The following SOBP variants were observed in gnomAD, a reference collection of about 807,000 sequenced individuals.
SOBP encodes the protein sine oculis-binding protein homolog.
SOBP carries 4 observed loss-of-function variants against 53.6 expected under a neutral mutation model. The observed-to-expected ratio is 0.07, with a 90% CI of 0.04 to 0.17. The LOEUF (loss-of-function observed/expected upper bound fraction) is 0.17. Ranked by LOEUF, SOBP falls within the 10% of genes least tolerant of loss-of-function variation. The pLI is 1.00. For synonymous variants in SOBP, 584 were observed against 522.6 expected (o/e 1.12, Z -1.60); for missense variants, 1,088 against 1,204.7 (o/e 0.90, Z 1.43).
At chr6:107,536,407 G>A (rs963782396) in intron 4 of SOBP, among the ~76,000 whole-genome samples, 2 of 152,164 alleles carry the variant, frequency 1.3e-5, no homozygotes, top group Non-Finnish European at 2.9e-5. Flanking sequence ...CTTCACACAC[G>A]CTTGGGTGTA....
At chr6:107,592,557 T>C (rs1785793136) in intron 5 of SOBP, among the ~76,000 whole-genome samples, 1 of 152,214 alleles carries the variant, frequency 6.6e-6, no homozygotes, top group South Asian at 2.1e-4. Context: ...ATTTACATAC[T>C]ATTGCTTTGA....
chr6:107,619,258 C>G (rs1233164751), intron 5 of SOBP, among the ~76,000 whole-genome samples: 1 of 152,100 alleles, frequency 6.6e-6, no homozygotes, highest in Non-Finnish European at 1.5e-5. Context: ...GTTTCCTGGC[C>G]CCATCTTATG....
chr6:107,626,366 G>C (rs966882638), intron 5 of SOBP, among the ~76,000 whole-genome samples: 1 of 152,204 alleles, frequency 6.6e-6, no homozygotes, highest in Non-Finnish European at 1.5e-5. Context: ...CTCCTGCCCT[G>C]TTCCACAGCC....
intron 5 of SOBP, among the ~76,000 whole-genome samples, chr6:107,630,750 GTCTC>G (rs60388300): frequency 0.16 from 23,341 of 148,468 alleles, 2,003 homozygotes; most frequent in East Asian, 0.29. Context: ...CACACACTCT[GTCTC>G]TCTCTCTCTC....
intron 3 of SOBP, among the ~76,000 whole-genome samples, chr6:107,509,413 A>C (rs1783098199): frequency 6.6e-6 from 1 of 151,620 alleles, no homozygotes; most frequent in South Asian, 2.1e-4. Context: ...AAAAAAAACA[A>C]AACAAAAAAG....
intron 4 of SOBP, among the ~76,000 whole-genome samples, chr6:107,553,443 C>T (rs570150366): frequency 6.6e-6 from 1 of 151,800 alleles, no homozygotes; most frequent in East Asian, 1.9e-4. Context: ...ATTCTCCTGC[C>T]TCAGCGTCCC....
intron 6 of SOBP, among the ~76,000 whole-genome samples, chr6:107,654,621 T>C (rs1771937474): frequency 7.0e-6 from 1 of 143,694 alleles, no homozygotes; most frequent in Non-Finnish European, 1.5e-5. Flanking sequence ...AATCTGAGCA[T>C]GTGAGAAATG....
At chr6:107,553,131 C>T (rs1369608672) in intron 4 of SOBP, among the ~76,000 whole-genome samples, 1 of 151,622 alleles carries the variant, frequency 6.6e-6, no homozygotes, top group African/African-American at 2.4e-5. Flanking sequence ...AAAAAGGAAA[C>T]TATCTGAGCT....
chr6:107,543,709 T>C, intron 4 of SOBP, among the ~76,000 whole-genome samples: 1 of 152,196 alleles, frequency 6.6e-6, no homozygotes, highest in Non-Finnish European at 1.5e-5. Flanking sequence ...CTTTACACGA[T>C]GGATGTGTCA....
intron 5 of SOBP, among the ~76,000 whole-genome samples, chr6:107,617,800 C>T (rs1786847409): frequency 6.9e-6 from 1 of 145,776 alleles, no homozygotes; most frequent in Non-Finnish European, 1.5e-5. Context: ...ATGTGGGCAG[C>T]TTGGGTTGTT....
chr6:107,576,767 G>A (rs1232441266), intron 4 of SOBP, among the ~76,000 whole-genome samples: 1 of 152,184 alleles, frequency 6.6e-6, no homozygotes, highest in African/African-American at 2.4e-5. Flanking sequence ...GGTAAACTGA[G>A]GCTTAGCATA....
chr6:107,502,418 C>A (rs1350796742), intron 1 of SOBP, among the ~76,000 whole-genome samples: 2 of 152,156 alleles, frequency 1.3e-5, no homozygotes, highest in Non-Finnish European at 2.9e-5. Flanking sequence ...GCATTAAAAT[C>A]ATTAACACAC....
intron 1 of SOBP, among the ~76,000 whole-genome samples, chr6:107,496,127 A>G (rs1305876565): frequency 3.3e-5 from 5 of 152,222 alleles, no homozygotes; most frequent in African/African-American, 4.8e-5. Context: ...AATATCTCTT[A>G]TATAACCAAA....
At chr6:107,649,536 T>C (rs1771712534) in intron 6 of SOBP, among the ~76,000 whole-genome samples, 1 of 152,116 alleles carries the variant, frequency 6.6e-6, no homozygotes, top group African/African-American at 2.4e-5. Context: ...AGTACTTAGT[T>C]CTGAAAGCCA....
At chr6:107,618,190 C>T (rs1345042353) in intron 5 of SOBP, among the ~76,000 whole-genome samples, 1 of 152,142 alleles carries the variant, frequency 6.6e-6, no homozygotes, top group Non-Finnish European at 1.5e-5. Flanking sequence ...GGGTAAATGA[C>T]TGTACAGTGT....
chr6:107,494,091 C>T (rs1782642551), intron 1 of SOBP, among the ~76,000 whole-genome samples: 1 of 152,144 alleles, frequency 6.6e-6, no homozygotes, highest in African/African-American at 2.4e-5. Context: ...TCCTTTTCTT[C>T]TTCCCTTATC....
chr6:107,495,845 A>G (rs960248231), intron 1 of SOBP, among the ~76,000 whole-genome samples: 2 of 152,118 alleles, frequency 1.3e-5, no homozygotes, highest in South Asian at 2.1e-4. Flanking sequence ...CAAAATTATT[A>G]CAAGTAGTAG....
intron 3 of SOBP, among the ~76,000 whole-genome samples, chr6:107,526,367 A>T (rs764449317): frequency 1.3e-5 from 2 of 152,148 alleles, no homozygotes; most frequent in South Asian, 4.1e-4. Context: ...TTCAGGCCCT[A>T]TCAGCTCCTG....
rs577269217 is a variant in SOBP at position 107,491,869 on chromosome 6, G to C, written c.96+1157G>C. Among the ~76,000 whole-genome samples the C allele has an allele frequency of 2.0e-5, 3 of 152,266 alleles. No individual in the cohort carries two copies. In the East Asian group the frequency reaches 5.8e-4, roughly 29 times the overall value. ...TGTGCAAGTAAGTCAAATTTATTGC[G>C]CTTTGACGCTTTCTTCATTAGAACA... On this transcript the variant is annotated intron_variant, in intron 1 of 6. Coordinates refer to ENST00000317357, the MANE Select transcript of SOBP (RefSeq NM_018013.4).
Sources: gnomAD v4.1 joint callset for allele counts (sites outside exome capture counted in the v4.1 genomes callset) on GRCh38, gnomAD v4.1.1 for gene constraint, MANE v1.5 for transcripts, NCBI Gene and HGNC (gene_info 2026-07-23, HGNC 2026-07-21) for gene names.